CEP128: variants seen among roughly 807,000 people sequenced by gnomAD.
CEP128 encodes centrosomal protein 128kDa.
A neutral mutation model predicts 156.7 loss-of-function variants in CEP128; 132 were observed. The ratio of observed to expected loss-of-function variants is 0.84; its 90% CI spans 0.73 to 0.97. CEP128 has a LOEUF of 0.97. CEP128 is among the 50% of genes least tolerant of loss of function. The probability of loss-of-function intolerance (pLI) is 0.00; values close to 1 mark genes in which losing one functional copy is unlikely to be tolerated. For synonymous variants in CEP128, 469 were observed against 448.9 expected (o/e 1.04, Z -0.57); for missense variants, 1,252 against 1,281.9 (o/e 0.98, Z 0.36).
chr14:80,713,511 C>T (rs1168000545), intron 19 of CEP128, among the ~76,000 whole-genome samples: 1 of 151,960 alleles, frequency 6.6e-6, no homozygotes, highest in Non-Finnish European at 1.5e-5. Context: ...GTTCCCTGAC[C>T]CATCCAAGCA....
At chr14:80,581,902 TTCTTGCA>T (rs1891609063) in intron 19 of CEP128, among the ~76,000 whole-genome samples, 1 of 152,216 alleles carries the variant, frequency 6.6e-6, no homozygotes, top group Non-Finnish European at 1.5e-5. Context: ...TCTGCTTCAC[TTCTTGCA>T]TCTGGGCTGG....
rs535730262 is a variant in CEP128, at chr14:80,767,226, A to G, written c.2377-5613T>C. Among the ~76,000 whole-genome samples, 25 of 152,266 alleles carry G rather than the reference A, an allele frequency of 1.6e-4. 1 individual carries two copies. The South Asian group carries it at 4.3e-3, about 26-fold the overall frequency. On this transcript the variant is annotated intron_variant, in intron 16 of 24. Transcript: ENST00000555265. ...TGAGAAGATATCTGCGATGGATACT[A>G]TAGGAAACTTGGAAATAATTTAAGC...
intron 18 of CEP128, among the ~76,000 whole-genome samples, chr14:80,752,762 CTAAT>C (rs1899459850): frequency 6.6e-6 from 1 of 152,160 alleles, no homozygotes; most frequent in African/African-American, 2.4e-5. Flanking sequence ...TTCGCAGTAA[CTAAT>C]TAGTTTTATG....
chr14:80,615,684 A>T (rs1342536234), intron 19 of CEP128, among the ~76,000 whole-genome samples: 1 of 152,086 alleles, frequency 6.6e-6, no homozygotes, highest in Non-Finnish European at 1.5e-5. Flanking sequence ...CCCCATCTCT[A>T]CTAAAAATAC....
intron 8 of CEP128, among the ~76,000 whole-genome samples, chr14:80,889,670 A>G (rs998245266): frequency 6.6e-6 from 1 of 152,176 alleles, no homozygotes; most frequent in African/African-American, 2.4e-5. Flanking sequence ...AAATCAAAAA[A>G]CCCTGGGAGA....
intron 23 of CEP128, among the ~76,000 whole-genome samples, chr14:80,515,776 C>T (rs1566751240): frequency 6.6e-6 from 1 of 152,190 alleles, no homozygotes; most frequent in Non-Finnish European, 1.5e-5. Context: ...TTCCCTGTGA[C>T]ACCTACAGCT....
intron 19 of CEP128, chr14:80,742,737 A>G: frequency 4.0e-6 from 1 of 250,122 alleles, no homozygotes; most frequent in Non-Finnish European, 7.8e-6. Flanking sequence ...GTACTTGAAA[A>G]TGGGCACAAA....
intron 9 of CEP128, among the ~76,000 whole-genome samples, chr14:80,849,363 T>A (rs1886773028): frequency 6.6e-6 from 1 of 152,168 alleles, no homozygotes; most frequent in Non-Finnish European, 1.5e-5. Context: ...GCCCACACTT[T>A]GTGGCTTTGA....
At chr14:80,797,901 T>C (rs1883586562) in intron 13 of CEP128, among the ~76,000 whole-genome samples, 1 of 152,226 alleles carries the variant, frequency 6.6e-6, no homozygotes, top group African/African-American at 2.4e-5. Flanking sequence ...TCCATTATAA[T>C]GATTTTCAGT....
intron 19 of CEP128, among the ~76,000 whole-genome samples, chr14:80,732,470 A>AGG (rs1334466300): frequency 1.6e-5 from 1 of 60,852 alleles, no homozygotes; most frequent in Non-Finnish European, 3.3e-5. Context: ...CTGATTAAGC[A>AGG]GGTGTGTGTG....
chr14:80,769,240 T>C (rs1279897715), intron 16 of CEP128, among the ~76,000 whole-genome samples: 1 of 152,044 alleles, frequency 6.6e-6, no homozygotes, highest in African/African-American at 2.4e-5. Flanking sequence ...TCTTCCTCTT[T>C]TTTTTTTTCT....
At chr14:80,669,632 C>T (rs947240224) in intron 19 of CEP128, among the ~76,000 whole-genome samples, 1 of 152,108 alleles carries the variant, frequency 6.6e-6, no homozygotes, top group African/African-American at 2.4e-5. Context: ...TTACAGTAGT[C>T]AGTACGGCTA....
At chr14:80,881,682 C>T (rs765107209) in intron 8 of CEP128, among the ~76,000 whole-genome samples, 2 of 152,074 alleles carry the variant, frequency 1.3e-5, no homozygotes, top group Non-Finnish European at 2.9e-5. Context: ...CAACAAAATA[C>T]TAGCAAGATG....
intron 23 of CEP128, among the ~76,000 whole-genome samples, chr14:80,505,919 T>C (rs754684055): frequency 1.3e-5 from 2 of 152,076 alleles, no homozygotes; most frequent in Non-Finnish European, 1.5e-5. Context: ...GACATTGGGG[T>C]CTACAGTCAG....
chr14:80,491,649 C>A (rs1349497518), downstream of CEP128, among the ~76,000 whole-genome samples: 1 of 152,110 alleles, frequency 6.6e-6, no homozygotes, highest in Non-Finnish European at 1.5e-5. Context: ...GACAGACAAG[C>A]ACAGGGCACC....
rs1375850127 is a variant in CEP128, at chr14:80,631,560, A to AAG, written c.2807-51138_2807-51137insCT. Among the ~76,000 whole-genome samples the AAG allele has an allele frequency of 7.9e-5, 12 of 152,134 alleles. No individual in the cohort carries two copies. In the Middle Eastern group the frequency reaches 0.01, roughly 129 times the overall value. On this transcript the variant is annotated intron_variant, in intron 19 of 24. Coordinates refer to ENST00000555265, the MANE Select transcript of CEP128 (RefSeq NM_152446.5). ...CTACTACTGTTTGTTTCTATATGTG[A>AAG]TTCGGTATCTGCAAAGATCAATGAG...
At position 80,788,552 on chromosome 14, in the gene CEP128, T is replaced by C. The variant is rs552906551; in HGVS notation, c.1561-3007A>G. ...TAAGACCTTACTGAAGGCTGAAATA[T>C]GTACACAACATACTCCAACATCCTA... is the stretch of plus-strand genomic sequence containing the variant. On this transcript the variant is annotated intron_variant, in intron 14 of 24. Coordinates refer to ENST00000555265, the MANE Select transcript of CEP128 (RefSeq NM_152446.5). Among the ~76,000 whole-genome samples, 7 of 152,202 alleles carry C rather than the reference T, an allele frequency of 4.6e-5. No homozygotes were observed. In the South Asian group the frequency reaches 1.5e-3, roughly 32 times the overall value.
rs374882166 is a variant in CEP128 at position 80,820,634 on chromosome 14, C to A, written c.1209+10509G>T. On this transcript the variant is annotated intron_variant, in intron 13 of 24. Coordinates refer to ENST00000555265, the MANE Select transcript of CEP128 (RefSeq NM_152446.5). Reference sequence around the variant, plus strand: ...TGTCAGAATTGCCATTCTGAACTTGCCTCCGCAACAAAATACTTGAACCCT... The same window carrying A: ...TGTCAGAATTGCCATTCTGAACTTGACTCCGCAACAAAATACTTGAACCCT... Among the ~76,000 whole-genome samples, 12 of 152,248 alleles carry A rather than the reference C, an allele frequency of 7.9e-5. No individual in the cohort carries two copies. In the East Asian group the frequency reaches 2.1e-3, roughly 27 times the overall value.
chr14:80,484,365 A>G (rs1307750781), intron 14 of CEP128, among the ~76,000 whole-genome samples: 1 of 152,200 alleles, frequency 6.6e-6, no homozygotes, highest in Non-Finnish European at 1.5e-5. Context: ...CAAAGTGGTG[A>G]TGATTTACCT....
Sources: gnomAD v4.1 joint callset for allele counts (sites outside exome capture counted in the v4.1 genomes callset) on GRCh38, gnomAD v4.1.1 for gene constraint, MANE v1.5 for transcripts, NCBI Gene and HGNC (gene_info 2026-07-23, HGNC 2026-07-21) for gene names.